The following GALNTL6 variants were observed in gnomAD, a reference collection of about 807,000 sequenced individuals.
GALNTL6 encodes polypeptide N-acetylgalactosaminyltransferase like 6, also known as polypeptide N-acetylgalactosaminyltransferase-like 6.
A neutral mutation model predicts 73.7 loss-of-function variants in GALNTL6; 46 were observed. The ratio of observed to expected loss-of-function variants is 0.62; its 90% CI spans 0.49 to 0.80. The LOEUF (loss-of-function observed/expected upper bound fraction) is 0.80, where lower values mean the gene tolerates loss of function less well. Among genes scored for constraint, GALNTL6 ranks in the 30% least tolerant of loss-of-function variants. The pLI, the probability that GALNTL6 is intolerant of heterozygous loss-of-function variation, is 0.00. For synonymous variants in GALNTL6, 259 were observed against 263.7 expected, an observed-to-expected ratio of 0.98 and a Z score of 0.17; for missense variants, 604 against 755.0, an observed-to-expected ratio of 0.80 and a Z score of 2.34.
At chr4:172,604,024 G>A (rs1485455499) in intron 5 of GALNTL6, among the ~76,000 whole-genome samples, 3 of 152,196 alleles carry the variant, frequency 2.0e-5, no homozygotes, top group African/African-American at 7.2e-5. Context: ...CAGTATAAGT[G>A]CGTTATTAGT....
intron 3 of GALNTL6, among the ~76,000 whole-genome samples, chr4:172,276,259 T>C (rs888917954): frequency 6.6e-6 from 1 of 152,158 alleles, no homozygotes; most frequent in Non-Finnish European, 1.5e-5. Flanking sequence ...TGGACATGTT[T>C]CCTGGAGCCA....
intron 2 of GALNTL6, among the ~76,000 whole-genome samples, chr4:172,067,842 A>T (rs1308018297): frequency 9.1e-6 from 1 of 110,354 alleles, no homozygotes; most frequent in Non-Finnish European, 2.0e-5. Context: ...CAGAGCTTTC[A>T]TTGGGCTGAT....
At chr4:172,829,992 T>C (rs997696767) in intron 7 of GALNTL6, among the ~76,000 whole-genome samples, 2 of 152,212 alleles carry the variant, frequency 1.3e-5, no homozygotes, top group Admixed American at 6.5e-5. Context: ...AGTATACATA[T>C]ATCTAGAATG....
At chr4:172,731,767 TA>T (rs1287901474) in intron 5 of GALNTL6, among the ~76,000 whole-genome samples, 2 of 152,266 alleles carry the variant, frequency 1.3e-5, no homozygotes, top group East Asian at 3.9e-4. Context: ...CAAAATTTTT[TA>T]AAATTTCCTT....
intron 2 of GALNTL6, among the ~76,000 whole-genome samples, chr4:172,057,756 AT>A (rs1272240478): frequency 1.7e-4 from 24 of 141,966 alleles, no homozygotes; most frequent in Admixed American, 5.0e-4. Context: ...ATATATATAT[AT>A]AAATCAAGTT....
intron 2 of GALNTL6, among the ~76,000 whole-genome samples, chr4:171,835,103 A>C (rs1260002266): frequency 6.6e-6 from 1 of 152,062 alleles, no homozygotes; most frequent in Non-Finnish European, 1.5e-5. Flanking sequence ...TGACAAACAT[A>C]TCACTTAGAA....
At chr4:172,469,641 G>T (rs938401719) in intron 5 of GALNTL6, among the ~76,000 whole-genome samples, 4 of 151,956 alleles carry the variant, frequency 2.6e-5, no homozygotes, top group Non-Finnish European at 5.9e-5. Flanking sequence ...GAAAAAATAA[G>T]ATAAAAGAAA....
chr4:172,636,965 G>C (rs1447427408), intron 5 of GALNTL6, among the ~76,000 whole-genome samples: 1 of 152,060 alleles, frequency 6.6e-6, no homozygotes, highest in East Asian at 1.9e-4. Flanking sequence ...TTGGTACAAT[G>C]AGTCTAATTT....
chr4:172,437,583 A>G (rs1387742901), intron 5 of GALNTL6, among the ~76,000 whole-genome samples: 1 of 152,172 alleles, frequency 6.6e-6, no homozygotes, highest in East Asian at 1.9e-4. Flanking sequence ...AATCTTGCTT[A>G]GCTTCCTCTC....
Position 172,117,603 on chromosome 4 carries a change from T to C in GALNTL6, c.139-112053T>C, listed in dbSNP as rs114616358. 6.3e-3 allele frequency among the ~76,000 whole-genome samples: 959 copies of C among 152,274 alleles called. 12 individuals are homozygous for C. Among genetic ancestry groups the C allele is most frequent in the African/African-American group, 0.021 (883 of 41,580 alleles). On this transcript the variant is annotated intron_variant, in intron 2 of 12. Transcript: ENST00000506823. ...TCAGCTTTACAGAATAATTCCTGAATATAATCAATGCAAATTTTTGGTTTC... is the reference window on the plus strand; with the variant it reads ...TCAGCTTTACAGAATAATTCCTGAACATAATCAATGCAAATTTTTGGTTTC...
At chr4:172,357,736 A>G (rs1050638747) in intron 5 of GALNTL6, among the ~76,000 whole-genome samples, 1 of 151,842 alleles carries the variant, frequency 6.6e-6, no homozygotes, top group African/African-American at 2.4e-5. Flanking sequence ...ACCTGACTGC[A>G]ATATTGTAGT....
chr4:172,881,268 G>GA (rs1358089134), intron 7 of GALNTL6, among the ~76,000 whole-genome samples: 3 of 152,162 alleles, frequency 2.0e-5, no homozygotes, highest in African/African-American at 7.2e-5. Flanking sequence ...TGAAAAATGG[G>GA]AAAAGATCAG....
At chr4:172,835,830 G>A (rs182259176) in intron 7 of GALNTL6, among the ~76,000 whole-genome samples, 1 of 152,296 alleles carries the variant, frequency 6.6e-6, no homozygotes, top group Admixed American at 6.5e-5. Flanking sequence ...AATCCTCATA[G>A]ACGTGTCTCT....
At chr4:172,513,429 T>G (rs1423442215) in intron 5 of GALNTL6, among the ~76,000 whole-genome samples, 1 of 152,208 alleles carries the variant, frequency 6.6e-6, no homozygotes, top group Non-Finnish European at 1.5e-5. Flanking sequence ...AATTCAGATA[T>G]TTATTCTTGG....
At chr4:172,681,777 G>C (rs1732644321) in intron 5 of GALNTL6, among the ~76,000 whole-genome samples, 1 of 152,086 alleles carries the variant, frequency 6.6e-6, no homozygotes, top group Non-Finnish European at 1.5e-5. Flanking sequence ...GACAGTCCCA[G>C]TGCTCTTTCC....
At chr4:172,881,892 A>G (rs957123509) in intron 7 of GALNTL6, among the ~76,000 whole-genome samples, 1 of 152,182 alleles carries the variant, frequency 6.6e-6, no homozygotes, top group Admixed American at 6.5e-5. Context: ...GCCTTGGGCA[A>G]CATTCCACCT....
intron 8 of GALNTL6, among the ~76,000 whole-genome samples, chr4:172,908,489 G>C (rs1747022325): frequency 6.6e-6 from 1 of 151,822 alleles, no homozygotes; most frequent in Admixed American, 6.6e-5. Context: ...TAGAAAGCAG[G>C]GGGGAAATTT....
chr4:172,762,996 A>T (rs1475343360), intron 5 of GALNTL6, among the ~76,000 whole-genome samples: 1 of 118,352 alleles, frequency 8.4e-6, no homozygotes, highest in African/African-American at 3.9e-5. Context: ...CAGTGACATC[A>T]TTGCAGACAA....
chr4:172,959,753 G>T (rs1749944733), intron 10 of GALNTL6, among the ~76,000 whole-genome samples: 1 of 152,180 alleles, frequency 6.6e-6, no homozygotes, highest in Non-Finnish European at 1.5e-5. Flanking sequence ...GTGGGGTCCT[G>T]CACAGATGGG....
Sources: allele counts gnomAD v4.1 joint callset (sites outside exome capture counted in the v4.1 genomes callset), GRCh38; gene constraint gnomAD v4.1.1; transcripts MANE v1.5; gene names NCBI Gene and HGNC (gene_info 2026-07-23, HGNC 2026-07-21).